Variants in NTSR1 observed in about 807,000 individuals in gnomAD.
NTSR1 encodes neurotensin receptor type 1.
In NTSR1, 29 loss-of-function variants were observed where a neutral mutation model predicts 31.2. The observed-to-expected ratio is 0.93, with a 90% CI of 0.69 to 1.27. The LOEUF (loss-of-function observed/expected upper bound fraction) is 1.27, where lower values mean the gene tolerates loss of function less well. NTSR1 is among the 50% of genes most tolerant of loss of function. The probability of loss-of-function intolerance (pLI) is 0.00; values close to 1 mark genes in which losing one functional copy is unlikely to be tolerated. For synonymous variants in NTSR1, 282 were observed against 269.9 expected (o/e 1.04, Z -0.44); for missense variants, 697 against 595.4 (o/e 1.17, Z -1.78).
intron 3 of NTSR1, among the ~76,000 whole-genome samples, 166 bp from the exon 4 acceptor site, chr20:62,759,852 G>A (rs1989583205): frequency 6.6e-6 from 1 of 151,694 alleles, no homozygotes; most frequent in African/African-American, 2.4e-5. Flanking sequence ...GGAGAAGCCA[G>A]ACCCTGGAGC....
intron 1 of NTSR1, among the ~76,000 whole-genome samples, chr20:62,727,650 G>A (rs1988931899): frequency 6.6e-6 from 1 of 152,256 alleles, no homozygotes; most frequent in African/African-American, 2.4e-5. Flanking sequence ...TCCTGGAGGG[G>A]AGGCGGGAGT....
At chr20:62,753,000 C>A (rs1989419698) in intron 1 of NTSR1, among the ~76,000 whole-genome samples, 1 of 152,208 alleles carries the variant, frequency 6.6e-6, no homozygotes, top group Admixed American at 6.5e-5. Context: ...GGAGCCCACA[C>A]AGGTGGCACG....
In NTSR1 at chr20:62,758,560, C is replaced by T. The variant is rs1419049951; in HGVS notation, c.1007+204C>T. Among the ~76,000 whole-genome samples, 1 of 152,106 alleles carries T rather than the reference C, an allele frequency of 6.6e-6. No homozygotes were observed. Among genetic ancestry groups the T allele is most frequent in the Non-Finnish European group, 1.5e-5 (1 of 68,008 alleles). ...AGGTTCAAGGCAGGGGCTATTCAGG[C>T]CAGACTGGTGCAGAGAAAGAAAGTT... On this transcript the variant is annotated intron_variant, in intron 3 of 3. Transcript: ENST00000370501. The surrounding 1 kb of genome is among the most constrained non-coding windows in gnomAD (Gnocchi z 4.5).
At chr20:62,754,965 C>G in intron 2 of NTSR1, 79 bp downstream of exon 2, 1 of 1,372,194 alleles carries the variant, frequency 7.3e-7, no homozygotes, top group South Asian at 1.4e-5. Context: ...CCACCCCAAG[C>G]CTGGGCAAGG....
In NTSR1 at chr20:62,733,823, C is replaced by T. The variant is rs2147139467; in HGVS notation, c.715-20862C>T. On this transcript the variant is annotated intron_variant, in intron 1 of 3. Transcript: ENST00000370501. This position sits in a 1 kb window ranked among gnomAD's most constrained non-coding sequence, Gnocchi z 5.2. Reference sequence around the variant, plus strand: ...CAGCACCCTCTTCTCCCTACCCTTGCCTGGGGTCTCAGCTGAGAGAGGGAA... The same window carrying T: ...CAGCACCCTCTTCTCCCTACCCTTGTCTGGGGTCTCAGCTGAGAGAGGGAA... Among the ~76,000 whole-genome samples, 1 of 152,128 alleles carries T rather than the reference C, an allele frequency of 6.6e-6. No homozygotes were observed. The highest frequency in any genetic ancestry group is 2.1e-4 in the South Asian group (1 of 4,804).
chr20:62,721,714 G>A (rs570744890), intron 1 of NTSR1, among the ~76,000 whole-genome samples: 2 of 152,318 alleles, frequency 1.3e-5, no homozygotes, highest in South Asian at 4.1e-4. Context: ...AGAACTGGGG[G>A]ATCCCCTTGT....
chr20:62,752,083 G>A (rs1057238374), intron 1 of NTSR1, among the ~76,000 whole-genome samples: 2 of 152,220 alleles, frequency 1.3e-5, no homozygotes, highest in African/African-American at 4.8e-5. Flanking sequence ...TAGAGTCCAT[G>A]TGTCTATGCA....
At chr20:62,751,419 A>G (rs765439989) in intron 1 of NTSR1, among the ~76,000 whole-genome samples, 66 of 152,228 alleles carry the variant, frequency 4.3e-4, no homozygotes, top group Non-Finnish European at 7.9e-4. Flanking sequence ...TATTTATTTC[A>G]CTCAAGACAC....
At chr20:62,737,974 C>T (rs1989128722) in intron 1 of NTSR1, among the ~76,000 whole-genome samples, 2 of 80,720 alleles carry the variant, frequency 2.5e-5, no homozygotes, top group African/African-American at 7.2e-5. Flanking sequence ...TGGAAAATGG[C>T]CCCTTATCTC....
chr20:62,709,721 C>T lies in NTSR1; in HGVS notation c.514C>T (p.His172Tyr), dbSNP rs1387681813. Reference sequence around the variant, plus strand: ...TGTGGAGCGCTACCTGGCCATCTGCCACCCCTTCAAGGCCAAGACCCTCAT... The same window carrying T: ...TGTGGAGCGCTACCTGGCCATCTGCTACCCCTTCAAGGCCAAGACCCTCAT... ...LSVERYLAIC[H>Y]PFKAKTLMSR... is the part of the protein sequence containing the mutation. The change falls in exon 1 of 4, where the codon CAC becomes TAC. Residue 172 changes from histidine (H) to tyrosine (Y), a missense_variant. Transcript: ENST00000370501. The T allele has an allele frequency of 4.3e-6, 7 of 1,612,814 alleles. No homozygotes were observed. The highest frequency in any genetic ancestry group is 1.6e-4 in the Middle Eastern group (1 of 6,082).
At chr20:62,751,395 C>G (rs529482504) in intron 1 of NTSR1, among the ~76,000 whole-genome samples, 2 of 152,272 alleles carry the variant, frequency 1.3e-5, no homozygotes, top group African/African-American at 4.8e-5. Context: ...TGTCTTATCC[C>G]TTAAGAAAAG....
intron 1 of NTSR1, among the ~76,000 whole-genome samples, chr20:62,739,606 CTG>C (rs1237148802): frequency 6.6e-6 from 1 of 152,268 alleles, no homozygotes; most frequent in Non-Finnish European, 1.5e-5. Flanking sequence ...ACACTTGGCT[CTG>C]TGTGTTCACC....
intron 1 of NTSR1, among the ~76,000 whole-genome samples, chr20:62,750,297 A>G (rs1989370816): frequency 6.6e-6 from 1 of 152,188 alleles, no homozygotes; most frequent in Non-Finnish European, 1.5e-5. Flanking sequence ...GGGGAGGGGA[A>G]CGAGGAATGG....
chr20:62,731,344 A>G (rs1274442565), intron 1 of NTSR1, among the ~76,000 whole-genome samples: 1 of 152,164 alleles, frequency 6.6e-6, no homozygotes, highest in Non-Finnish European at 1.5e-5. Context: ...TTGGCCTCCA[A>G]AAGTGCTGGG....
rs1366068617 is a variant in NTSR1 at position 62,744,638 on chromosome 20, A to C, written c.715-10047A>C. 1.3e-5 allele frequency among the ~76,000 whole-genome samples: 2 copies of C among 152,036 alleles called. No homozygotes were observed. Among genetic ancestry groups the C allele is most frequent in the African/African-American group, 4.8e-5 (2 of 41,390 alleles). ...CTACTCAGGAAGGCTGAGGCAGGAG[A>C]ATCACTTGAACCTGGGAGACGGAGG... is the stretch of plus-strand genomic sequence containing the variant. On this transcript the variant is annotated intron_variant, in intron 1 of 3. Transcript: ENST00000370501. This position sits in a 1 kb window ranked among gnomAD's most constrained non-coding sequence, Gnocchi z 4.1.
intron 2 of NTSR1, chr20:62,756,849 T>A (rs1383595727): frequency 1.3e-5 from 2 of 152,282 alleles, no homozygotes; most frequent in African/African-American, 4.8e-5. Flanking sequence ...TTAAGATTAA[T>A]GATTAATAAC....
At chr20:62,746,827 G>A (rs1485047427) in intron 1 of NTSR1, among the ~76,000 whole-genome samples, 4 of 152,224 alleles carry the variant, frequency 2.6e-5, no homozygotes, top group Admixed American at 2.0e-4. Context: ...TTCGCCGATG[G>A]ATGCTACAAA....
intron 1 of NTSR1, among the ~76,000 whole-genome samples, chr20:62,720,220 A>T (rs1447332001): frequency 2.0e-5 from 3 of 152,158 alleles, no homozygotes. Context: ...GAATCGCTTT[A>T]ACTCGGGAGG....
chr20:62,755,905 ATCCATCCCTCCT>A (rs1328579351), intron 2 of NTSR1, among the ~76,000 whole-genome samples: 4 of 43,590 alleles, frequency 9.2e-5, no homozygotes, highest in African/African-American at 2.9e-4. Flanking sequence ...CATTCCATCC[ATCCATCCCTCCT>A]TCCATCCCTC....
Sources: allele counts gnomAD v4.1 joint callset (sites outside exome capture counted in the v4.1 genomes callset), GRCh38; gene constraint gnomAD v4.1.1; non-coding constraint Gnocchi (gnomAD v3.1); transcripts MANE v1.5; gene names NCBI Gene and HGNC (gene_info 2026-07-23, HGNC 2026-07-21).